The following SLK variants were observed in gnomAD, a reference collection of about 807,000 sequenced individuals.
The protein encoded by SLK is STE20 like kinase.
SLK carries 67 observed loss-of-function variants against 147.7 expected under a neutral mutation model. The ratio of observed to expected loss-of-function variants is 0.45; its 90% CI spans 0.37 to 0.56. The LOEUF is 0.56. Ranked by LOEUF, SLK falls within the 20% of genes least tolerant of loss-of-function variation. SLK has a pLI of 0.00. For missense variants in SLK, 1,136 were observed against 1,438.8 expected, an observed-to-expected ratio of 0.79 and a Z score of 3.41; for synonymous variants, 441 against 475.0, an observed-to-expected ratio of 0.93 and a Z score of 0.93.
intron 13 of SLK, among the ~76,000 whole-genome samples, chr10:104,011,978 A>G (rs915028675): frequency 2.6e-5 from 4 of 152,234 alleles, no homozygotes; most frequent in African/African-American, 7.2e-5. Flanking sequence ...ATTTATGCTA[A>G]GCCTGGAGGC....
At chr10:103,980,156 G>A (rs2487987) in intron 1 of SLK, among the ~76,000 whole-genome samples, 32,516 of 152,026 alleles carry the variant, frequency 0.21, 3,858 homozygotes, top group African/African-American at 0.32. Context: ...ATGGATGTCC[G>A]TACGCACATA....
At chr10:103,988,289 A>G (rs1014205356) in intron 1 of SLK, among the ~76,000 whole-genome samples, 6 of 152,098 alleles carry the variant, frequency 3.9e-5, no homozygotes, top group East Asian at 1.9e-4. Context: ...TGCATCTGCT[A>G]TTTTTCAAGT....
rs1044475272 is a variant in SLK, at chr10:103,967,904, G to C, written c.150+9G>C. The C allele has an allele frequency of 1.1e-4, 174 of 1,612,206 alleles. No individual in the cohort carries two copies. The highest frequency in any genetic ancestry group is 1.5e-4 in the Non-Finnish European group (174 of 1,178,936). ...TTGGGAAAGTGTACAAGGTAAGAGG[G>C]GGAAAACGGGAAGTTGTACTGCGAA... On this transcript the variant is annotated intron_variant, in intron 1 of 18. Coordinates refer to ENST00000369755, the MANE Select transcript of SLK (RefSeq NM_014720.4).
At chr10:103,975,312 A>G (rs936844088) in intron 1 of SLK, among the ~76,000 whole-genome samples, 2 of 151,880 alleles carry the variant, frequency 1.3e-5, no homozygotes, top group African/African-American at 4.8e-5. Flanking sequence ...TCAGTCACAA[A>G]TTTGCTCCTT....
In SLK at chr10:104,003,258, C is replaced by A; in HGVS notation, c.2080C>A (p.Pro694Thr). 3 of 1,613,484 alleles carry A rather than the reference C, an allele frequency of 1.9e-6. No homozygotes were observed. The highest frequency in any genetic ancestry group is 2.5e-6 in the Non-Finnish European group (3 of 1,179,860). ...AATTCCAGTGTCAATTAAAAAAGAG[C>A]CTGAAGTTACTGTAGTTTCACAGCC... Reference protein sequence around the residue: ...KEIPVSIKKEPEVTVVSQPTE... With the variant: ...KEIPVSIKKETEVTVVSQPTE... Residue 694 changes from proline to threonine, a missense_variant, in exon 9 of 19, where the codon CCT becomes ACT. Transcript: ENST00000369755.
chr10:103,985,001 C>T (rs1387811629), intron 1 of SLK, among the ~76,000 whole-genome samples: 1 of 152,168 alleles, frequency 6.6e-6, no homozygotes, highest in Non-Finnish European at 1.5e-5. Flanking sequence ...CGAGGTTTCA[C>T]TTTCCATGGT....
chr10:104,007,087 T>G (rs1331095106), intron 11 of SLK, among the ~76,000 whole-genome samples: 2 of 152,108 alleles, frequency 1.3e-5, no homozygotes, highest in African/African-American at 4.8e-5. Flanking sequence ...TTTAAGAATC[T>G]TAATGTGGAA....
intron 11 of SLK, among the ~76,000 whole-genome samples, chr10:104,007,470 G>C (rs1844341919): frequency 6.6e-6 from 1 of 151,974 alleles, no homozygotes; most frequent in Non-Finnish European, 1.5e-5. Flanking sequence ...TAGCTAGGCA[G>C]GATGTCACAT....
chr10:103,972,999 C>T (rs909986235), intron 1 of SLK, among the ~76,000 whole-genome samples: 2 of 152,154 alleles, frequency 1.3e-5, no homozygotes, highest in African/African-American at 4.8e-5. Flanking sequence ...TCTTTTCATT[C>T]TCACTGTAGT....
chr10:104,001,001 G>A (rs1240709207), intron 7 of SLK, among the ~76,000 whole-genome samples: 1 of 125,362 alleles, frequency 8.0e-6, no homozygotes, highest in Non-Finnish European at 1.6e-5. Context: ...GGAGATTGCA[G>A]TAAGTTGAAA....
chr10:104,008,913 G>T (rs989992376), intron 12 of SLK, among the ~76,000 whole-genome samples: 2 of 152,112 alleles, frequency 1.3e-5, no homozygotes, highest in Non-Finnish European at 1.5e-5. Context: ...AATTTGACAT[G>T]CTATCTATAA....
intron 10 of SLK, 90 bp from the exon 11 acceptor site, chr10:104,005,822 G>A (rs1312172957): frequency 4.0e-6 from 6 of 1,512,036 alleles, no homozygotes; most frequent in South Asian, 3.7e-5. Context: ...CGTTCCACTC[G>A]AAAGAAAATT....
intron 1 of SLK, among the ~76,000 whole-genome samples, chr10:103,984,804 A>C (rs1318048016): frequency 6.6e-6 from 1 of 152,200 alleles, no homozygotes. Flanking sequence ...CCAAAATTGT[A>C]AGTACCCCAG....
chr10:103,995,102 A>T (rs1373319948), intron 4 of SLK, among the ~76,000 whole-genome samples: 1 of 152,182 alleles, frequency 6.6e-6, no homozygotes, highest in East Asian at 1.9e-4. Context: ...ATTTTCATTC[A>T]TTATAAAATT....
intron 1 of SLK, among the ~76,000 whole-genome samples, chr10:103,988,300 G>A (rs1844044848): frequency 6.6e-6 from 1 of 152,148 alleles, no homozygotes; most frequent in South Asian, 2.1e-4. Context: ...TTTTTCAAGT[G>A]CCTTTCAAAC....
rs575090297 is a variant in SLK at position 103,989,310 on chromosome 10, A to G, written c.151-1365A>G. On this transcript the variant is annotated intron_variant, in intron 1 of 18. Coordinates refer to ENST00000369755, the MANE Select transcript of SLK (RefSeq NM_014720.4). The stretch of plus-strand genomic sequence containing the variant: ...GTCATCAGGGAATTGTAAATTGAAA[A>G]GATACAAGTACTACTATGTAGCTGT... 2.0e-5 allele frequency among the ~76,000 whole-genome samples: 3 copies of G among 152,302 alleles called. No homozygotes were observed. The East Asian group carries it at 5.8e-4, about 29-fold the overall frequency.
intron 18 of SLK, among the ~76,000 whole-genome samples, chr10:104,023,264 A>G (rs1186841627): frequency 6.6e-6 from 1 of 152,222 alleles, no homozygotes; most frequent in Non-Finnish European, 1.5e-5. Context: ...CCCCTGTAGT[A>G]AAGAACAGTC....
intron 2 of SLK, 40 bp from the exon 3 acceptor site, chr10:103,992,552 CCATGTA>C: frequency 7.3e-7 from 1 of 1,369,022 alleles, no homozygotes; most frequent in African/African-American, 1.6e-5. Flanking sequence ...ACTCAAAACT[CCATGTA>C]GTTTTAGACA....
At chr10:104,014,246 G>C (rs535892182) in intron 13 of SLK, among the ~76,000 whole-genome samples, 1 of 152,278 alleles carries the variant, frequency 6.6e-6, no homozygotes, top group East Asian at 1.9e-4. Flanking sequence ...TAAAAGTAGT[G>C]ATTTTCATTC....
Sources: allele counts gnomAD v4.1 joint callset (sites outside exome capture counted in the v4.1 genomes callset), GRCh38; gene constraint gnomAD v4.1.1; transcripts MANE v1.5; gene names NCBI Gene and HGNC (gene_info 2026-07-23, HGNC 2026-07-21).